The following FKBP6 variants were observed in gnomAD, a reference collection of about 807,000 sequenced individuals.
The protein encoded by FKBP6 is inactive peptidyl-prolyl cis-trans isomerase FKBP6.
A neutral mutation model predicts 41.7 loss-of-function variants in FKBP6; 29 were observed. That is an observed-to-expected ratio of 0.70 (90% CI 0.52 to 0.95). The LOEUF (loss-of-function observed/expected upper bound fraction) is 0.95. Among genes scored for constraint, FKBP6 ranks in the 40% least tolerant of loss-of-function variants. FKBP6 has a pLI of 0.00. For missense variants in FKBP6, 338 were observed against 408.7 expected (o/e 0.83, Z 1.49); for synonymous variants, 130 against 165.1 (o/e 0.79, Z 1.63).
Position 73,328,210 on chromosome 7 carries a change from G to C in FKBP6, c.-219G>C, listed in dbSNP as rs1302430769. 1 of 1,548,776 alleles carries C rather than the reference G, an allele frequency of 6.5e-7. No individual in the cohort carries two copies. Among genetic ancestry groups the C allele is most frequent in the African/African-American group, 1.4e-5 (1 of 72,980 alleles). On this transcript the variant is annotated 5_prime_UTR_variant, in exon 1 of 9. Coordinates refer to ENST00000252037, the MANE Select transcript of FKBP6 (RefSeq NM_003602.5). Reference sequence around the variant, plus strand: ...CGGATCATACCTCGCACCTCACCGCGTGGCCTCTGTAGTTCCAGAGCTCGC... The same window carrying C: ...CGGATCATACCTCGCACCTCACCGCCTGGCCTCTGTAGTTCCAGAGCTCGC...
At chr7:73,338,713 C>T (rs1016833573) in intron 5 of FKBP6, among the ~76,000 whole-genome samples, 23 of 152,252 alleles carry the variant, frequency 1.5e-4, no homozygotes, top group African/African-American at 5.5e-4. Flanking sequence ...TTTGCATTTC[C>T]CTGATGACTG....
intron 5 of FKBP6, among the ~76,000 whole-genome samples, chr7:73,338,567 G>T (rs1554548919): frequency 6.6e-6 from 1 of 152,210 alleles, no homozygotes; most frequent in African/African-American, 2.4e-5. Context: ...GCTTCCTACA[G>T]CAGCTGTACC....
At position 73,358,473 on chromosome 7, in the gene FKBP6, C is replaced by G. The variant is rs1554552310; in HGVS notation, c.*295C>G. The G allele has an allele frequency of 6.6e-6, 1 of 152,626 alleles. No individual in the cohort carries two copies. Among genetic ancestry groups the G allele is most frequent in the East Asian group, 1.9e-4 (1 of 5,198 alleles). The allele number at this position is 152,626 out of a possible 1,614,324, so 9.5% of individuals were successfully genotyped here. ...ACGGAATTAGTCCTTGGCTTCCCTCCCAGTCCCAGCCCTGCTTCCGGCTGC... is the reference window on the plus strand; with the variant it reads ...ACGGAATTAGTCCTTGGCTTCCCTCGCAGTCCCAGCCCTGCTTCCGGCTGC... On this transcript the variant is annotated 3_prime_UTR_variant, in exon 9 of 9. Transcript: ENST00000252037.
chr7:73,336,639 G>A, intron 5 of FKBP6: 1 of 415,414 alleles, frequency 2.4e-6, no homozygotes. Context: ...ATAGGCAAAT[G>A]CTACAAACAG....
At chr7:73,351,786 C>T (rs1554551160) in intron 8 of FKBP6, among the ~76,000 whole-genome samples, 1 of 152,156 alleles carries the variant, frequency 6.6e-6, no homozygotes, top group African/African-American at 2.4e-5. Flanking sequence ...CTACTAAGTT[C>T]AATCCTGGAG....
chr7:73,335,671 C>T (rs782541488), intron 5 of FKBP6, among the ~76,000 whole-genome samples: 1 of 152,114 alleles, frequency 6.6e-6, no homozygotes, highest in Non-Finnish European at 1.5e-5. Flanking sequence ...CACCAGATAG[C>T]TCTAATTCCT....
intron 5 of FKBP6, among the ~76,000 whole-genome samples, chr7:73,336,151 G>C (rs1804999307): frequency 6.6e-6 from 1 of 152,176 alleles, no homozygotes; most frequent in Non-Finnish European, 1.5e-5. Flanking sequence ...AATCATCCAT[G>C]TGATATTAAG....
At chr7:73,342,455 C>T (rs782451586) in intron 7 of FKBP6, among the ~76,000 whole-genome samples, 2 of 152,178 alleles carry the variant, frequency 1.3e-5, no homozygotes, top group African/African-American at 2.4e-5. Context: ...TTAAAAGTAT[C>T]CTGTCAGATC....
chr7:73,349,072 TC>T (rs1217346929), intron 8 of FKBP6, among the ~76,000 whole-genome samples: 1 of 151,002 alleles, frequency 6.6e-6, no homozygotes, highest in Admixed American at 6.6e-5. Context: ...GCCACTGCAC[TC>T]CAGTCTGGGT....
At chr7:73,355,295 C>T (rs782448268) in intron 8 of FKBP6, among the ~76,000 whole-genome samples, 1 of 152,188 alleles carries the variant, frequency 6.6e-6, no homozygotes. Flanking sequence ...CCTTGAGCCA[C>T]GGATACAGCT....
chr7:73,331,607 C>T (rs1554547687), intron 4 of FKBP6, 50 bp from the exon 5 acceptor site: 2 of 1,609,314 alleles, frequency 1.2e-6, no homozygotes, highest in Middle Eastern at 1.7e-4. Flanking sequence ...TCCATTGTGG[C>T]ATTACTGCTT....
chr7:73,328,685 G>C lies in FKBP6; in HGVS notation c.168G>C (p.Ser56=), dbSNP rs1284135426. ...GAGDLVAPDA[S]VLVKYSGYLE... ...GAGACCTAGTGGCGCCTGATGCTTCGGTGCTAGGTACGCCCTGGGGCGGTT... is the reference window on the plus strand; with the variant it reads ...GAGACCTAGTGGCGCCTGATGCTTCCGTGCTAGGTACGCCCTGGGGCGGTT... Residue 56 remains serine (S), a synonymous_variant, in exon 2 of 9, where the codon TCG becomes TCC. Coordinates refer to ENST00000252037, the MANE Select transcript of FKBP6 (RefSeq NM_003602.5). The C allele has an allele frequency of 6.2e-7, 1 of 1,611,828 alleles. No individual in the cohort carries two copies. The highest frequency in any genetic ancestry group is 1.3e-5 in the African/African-American group (1 of 74,846).
chr7:73,343,687 A>C (rs1185558815), intron 8 of FKBP6, among the ~76,000 whole-genome samples: 1 of 152,200 alleles, frequency 6.6e-6, no homozygotes, highest in Non-Finnish European at 1.5e-5. Flanking sequence ...TCCCAAGCAC[A>C]TGAGATAACC....
chr7:73,340,624 T>C lies in FKBP6; in HGVS notation c.589-14T>C. On this transcript the variant is annotated splice_polypyrimidine_tract_variant and intron_variant, in intron 5 of 8. Coordinates refer to ENST00000252037, the MANE Select transcript of FKBP6 (RefSeq NM_003602.5). ...CTGTTACTCCTCTTGACCATCTGCC[T>C]TCCCTCTCCACAGGCCCTATTGCTT... 6.2e-7 allele frequency: 1 copy of C among 1,611,210 alleles called. No individual in the cohort carries two copies.
chr7:73,334,547 T>TC (rs1804946081), intron 5 of FKBP6, among the ~76,000 whole-genome samples: 1 of 152,030 alleles, frequency 6.6e-6, no homozygotes, highest in East Asian at 1.9e-4. Context: ...ACTTCAGGAG[T>TC]CCAAGGTGGG....
chr7:73,343,038 C>A (rs1805237806), intron 8 of FKBP6, 139 bp downstream of exon 8: 1 of 723,786 alleles, frequency 1.4e-6, no homozygotes, highest in Non-Finnish European at 2.5e-6. Context: ...AAGAACAACA[C>A]AACGGTAGTG....
At chr7:73,355,018 T>C (rs1245130673) in intron 8 of FKBP6, among the ~76,000 whole-genome samples, 3 of 152,234 alleles carry the variant, frequency 2.0e-5, no homozygotes, top group East Asian at 1.9e-4. Flanking sequence ...CGCGATTACA[T>C]CACTCCTCTG....
intron 8 of FKBP6, among the ~76,000 whole-genome samples, chr7:73,350,797 A>G (rs1018866984): frequency 1.3e-5 from 2 of 152,100 alleles, no homozygotes; most frequent in Admixed American, 6.6e-5. Context: ...CCCAGTGCCA[A>G]TGCCGAGGCC....
chr7:73,329,193 G>T (rs570867464), intron 2 of FKBP6, among the ~76,000 whole-genome samples, 167 bp from the exon 3 acceptor site: 1 of 152,270 alleles, frequency 6.6e-6, no homozygotes, highest in South Asian at 2.1e-4. Context: ...CTGAGCCAAA[G>T]GGCCGGCACC....
Sources: allele counts gnomAD v4.1 joint callset (sites outside exome capture counted in the v4.1 genomes callset), GRCh38; gene constraint gnomAD v4.1.1; transcripts MANE v1.5; gene names NCBI Gene and HGNC (gene_info 2026-07-23, HGNC 2026-07-21).